The following RGPD5 variants were observed in gnomAD, a reference collection of about 807,000 sequenced individuals.
RGPD5 encodes RANBP2 like and GRIP domain containing 5.
At chr2:109,774,621 A>T in the RGPD5 span, among the ~76,000 whole-genome samples, 3 of 77,852 alleles carry the variant, frequency 3.9e-5, no homozygotes, top group Admixed American at 2.1e-4. Flanking sequence ...CTTGAGATTT[A>T]TTCTGAACTT....
At chr2:109,763,813 A>G in the RGPD5 span, among the ~76,000 whole-genome samples, 1 of 149,770 alleles carries the variant, frequency 6.7e-6, no homozygotes, top group East Asian at 2.1e-4. Context: ...ATTGATGGAC[A>G]TCATTTTCCA....
chr2:109,764,343 C>T, the RGPD5 span, among the ~76,000 whole-genome samples: 86 of 145,944 alleles, frequency 5.9e-4, 3 homozygotes, highest in Non-Finnish European at 1.0e-3. Flanking sequence ...CTTCTGTGGT[C>T]CACCAGCTTT....
At chr2:109,766,358 G>A in the RGPD5 span, among the ~76,000 whole-genome samples, 1 of 150,608 alleles carries the variant, frequency 6.6e-6, no homozygotes, top group African/African-American at 2.4e-5. Flanking sequence ...GCGTGTTTTG[G>A]AGAAAGCTGG....
At chr2:109,761,781 A>C in the RGPD5 span, among the ~76,000 whole-genome samples, 1 of 147,272 alleles carries the variant, frequency 6.8e-6, no homozygotes, top group Admixed American at 6.9e-5. Context: ...TGGAACAAGC[A>C]TATTAACTGC....
chr2:109,778,569 T>G, the RGPD5 span, among the ~76,000 whole-genome samples: 2 of 149,130 alleles, frequency 1.3e-5, no homozygotes, highest in African/African-American at 2.5e-5. Flanking sequence ...CAAGCCCATT[T>G]AATATACTTC....
At position 109,794,639 on chromosome 2, in the gene RGPD5, G is replaced by A. The variant is rs868077877; in HGVS notation, c.72+102G>A. On this transcript the variant is annotated intron_variant, in intron 1 of 22. Transcript: ENST00000016946. ...GGGCGGCGGCGGCGGCCGCCTCGAT[G>A]GCTCAGGCGTCATGTCTCCCGAGGG... 3.6e-3 allele frequency: 2,993 copies of A among 821,336 alleles called. 11 individuals carry two copies. In the African/African-American group the frequency reaches 0.065, roughly 18 times the overall value. 50.9% of individuals were successfully genotyped at this position (821,336 alleles called of 1,614,324 possible). A position where few individuals can be genotyped will look rare whatever the true frequency, so the allele number is the denominator to read the frequency against.
the RGPD5 span, among the ~76,000 whole-genome samples, chr2:109,766,542 G>T: frequency 6.6e-6 from 1 of 150,572 alleles, no homozygotes; most frequent in African/African-American, 2.4e-5. Context: ...GTGGGGAAAT[G>T]ATTCCTTCCT....
chr2:109,763,713 A>T, the RGPD5 span, among the ~76,000 whole-genome samples: 1 of 150,582 alleles, frequency 6.6e-6, no homozygotes, highest in Non-Finnish European at 1.5e-5. Flanking sequence ...CCTTTGATTG[A>T]TCATAGAAAA....
chr2:109,765,677 G>A, the RGPD5 span, among the ~76,000 whole-genome samples: 1 of 150,464 alleles, frequency 6.6e-6, no homozygotes, highest in South Asian at 2.1e-4. Context: ...ATAGAAACAT[G>A]GAGGGAATAA....
the RGPD5 span, among the ~76,000 whole-genome samples, chr2:109,762,439 T>TA: frequency 6.7e-6 from 1 of 149,722 alleles, no homozygotes; most frequent in Non-Finnish European, 1.5e-5. Context: ...AGGAAGAACT[T>TA]ACTGTTTCGG....
At chr2:109,766,075 G>A in the RGPD5 span, among the ~76,000 whole-genome samples, 1 of 150,210 alleles carries the variant, frequency 6.7e-6, no homozygotes, top group Non-Finnish European at 1.5e-5. Context: ...GAGCTGATTG[G>A]TAGACAGCAG....
chr2:109,794,819 C>A, intron 1 of RGPD5: 1 of 216,246 alleles, frequency 4.6e-6, no homozygotes, highest in Non-Finnish European at 5.4e-6. Context: ...GGCTTGTTCC[C>A]GACGCTTGTT....
intron 1 of RGPD5, 73 bp downstream of exon 1, chr2:109,794,610 G>GCGGCGGCGGCGGCGGC: frequency 5.3e-6 from 1 of 190,340 alleles, no homozygotes; most frequent in Non-Finnish European, 7.2e-6. Flanking sequence ...GGCGGCGGCG[G>GCGGCGGCGGCGGCGGC]GGGGGGCGGC....
chr2:109,765,652 G>C, the RGPD5 span, among the ~76,000 whole-genome samples: 51 of 150,398 alleles, frequency 3.4e-4, 1 homozygote, highest in African/African-American at 1.2e-3. Context: ...AAACCACGTG[G>C]TGGGAAGACT....
the RGPD5 span, among the ~76,000 whole-genome samples, chr2:109,778,242 G>C: frequency 1.5e-5 from 2 of 135,916 alleles, no homozygotes; most frequent in Non-Finnish European, 1.6e-5. Flanking sequence ...TTGAGCTTCA[G>C]CTCCACTGTG....
chr2:109,766,184 C>T, the RGPD5 span, among the ~76,000 whole-genome samples: 1 of 151,076 alleles, frequency 6.6e-6, no homozygotes, highest in Non-Finnish European at 1.5e-5. Flanking sequence ...GGGGCCTCGG[C>T]AGGTACGAGG....
At chr2:109,779,599 C>CT in the RGPD5 span, among the ~76,000 whole-genome samples, 1 of 120,162 alleles carries the variant, frequency 8.3e-6, no homozygotes, top group Non-Finnish European at 1.7e-5. Flanking sequence ...TAGTCCAGGG[C>CT]TTATCAAATT....
the RGPD5 span, among the ~76,000 whole-genome samples, chr2:109,765,305 G>A: frequency 6.7e-6 from 1 of 148,150 alleles, no homozygotes; most frequent in African/African-American, 2.5e-5. Context: ...ATACACGTAA[G>A]TGAAACAAGA....
the RGPD5 span, among the ~76,000 whole-genome samples, chr2:109,767,145 G>C: frequency 1.6e-4 from 23 of 141,320 alleles, no homozygotes; most frequent in Admixed American, 1.8e-3. Context: ...CAATTGCTCT[G>C]AATGCCAAAT....
Sources: gnomAD v4.1 joint callset for allele counts (sites outside exome capture counted in the v4.1 genomes callset) on GRCh38, gnomAD v4.1.1 for gene constraint, MANE v1.5 for transcripts, NCBI Gene and HGNC (gene_info 2026-07-23, HGNC 2026-07-21) for gene names.